Variants in SLC12A9 observed in about 807,000 individuals in gnomAD.
The protein encoded by SLC12A9 is CCC-interacting protein 1.
Under a neutral mutation model 66.0 loss-of-function variants are expected in SLC12A9, and 55 were observed. The observed-to-expected ratio is 0.83, with a 90% CI of 0.67 to 1.04. The LOEUF (loss-of-function observed/expected upper bound fraction) is 1.04, where lower values mean the gene tolerates loss of function less well. SLC12A9 is among the 50% of genes least tolerant of loss of function. SLC12A9 has a pLI of 0.00. For synonymous variants in SLC12A9, 577 were observed against 569.0 expected, an observed-to-expected ratio of 1.01 and a Z score of -0.20; for missense variants, 1,061 against 1,241.9, an observed-to-expected ratio of 0.85 and a Z score of 2.19.
chr7:100,836,518 G>A (rs941188587), intron 1 of SLC12A9, among the ~76,000 whole-genome samples: 2 of 152,080 alleles, frequency 1.3e-5, no homozygotes, highest in African/African-American at 2.4e-5. Context: ...CACCCCATGC[G>A]CCACAGCCCA....
intron 1 of SLC12A9, among the ~76,000 whole-genome samples, chr7:100,840,441 A>T (rs1813760754): frequency 6.6e-6 from 1 of 152,182 alleles, no homozygotes; most frequent in African/African-American, 2.4e-5. Context: ...AGTAACCTGT[A>T]AGCCAGGGAA....
intron 1 of SLC12A9, among the ~76,000 whole-genome samples, chr7:100,830,540 T>G (rs1011331127): frequency 1.3e-5 from 2 of 150,134 alleles, no homozygotes; most frequent in African/African-American, 4.9e-5. Context: ...GAGAAAACAT[T>G]CTATTCCATG....
At chr7:100,848,991 T>G (rs1020093971), upstream of SLC12A9, among the ~76,000 whole-genome samples, 1 of 142,638 alleles carries the variant, frequency 7.0e-6, no homozygotes, top group Admixed American at 7.0e-5. Flanking sequence ...TAGTTTTTTG[T>G]TTTTTTTTTT....
At chr7:100,841,314 T>TAA (rs1030763091) in intron 1 of SLC12A9, among the ~76,000 whole-genome samples, 5 of 146,954 alleles carry the variant, frequency 3.4e-5, no homozygotes, top group African/African-American at 9.9e-5. Context: ...TAAAACTATT[T>TAA]AAAAAAAAAA....
Position 100,866,596 on chromosome 7 carries a change from T to C in SLC12A9, c.2736T>C (p.Thr912=), listed in dbSNP as rs767081292. ...LVHGVTPVTC[T]DL ...ATGGGGTCACTCCAGTCACCTGCAC[T>C]GATCTGTGATGCCCCTGCCTCCAGG... Residue 912 remains threonine (T), a synonymous_variant, in exon 14 of 14, where the codon ACT becomes ACC. Transcript: ENST00000354161. This position sits in a 1 kb window ranked among gnomAD's most constrained non-coding sequence, Gnocchi z 7.3. The C allele has an allele frequency of 6.4e-7, 1 of 1,570,642 alleles. No individual in the cohort carries two copies. The highest frequency in any genetic ancestry group is 1.2e-5 in the South Asian group (1 of 85,586).
At position 100,861,618 on chromosome 7, in the gene SLC12A9, G is replaced by A; in HGVS notation, c.1536+34G>A. ...AGCTGGTGGGGCGGTGGGGAAATGG[G>A]AGGTGGTCAAAGAACCCCCTCTCTC... On this transcript the variant is annotated intron_variant, in intron 11 of 13. Coordinates refer to ENST00000354161, the MANE Select transcript of SLC12A9 (RefSeq NM_020246.4). This position sits in a 1 kb window ranked among gnomAD's most constrained non-coding sequence, Gnocchi z 5.3. 1 of 1,608,694 alleles carries A rather than the reference G, an allele frequency of 6.2e-7. No individual in the cohort carries two copies. The highest frequency in any genetic ancestry group is 8.5e-7 in the Non-Finnish European group (1 of 1,176,676).
rs375275857 is a variant in SLC12A9, at chr7:100,857,123, G to A, written c.704G>A (p.Arg235Gln). Residue 235 changes from arginine (R) to glutamine (Q), a missense_variant, in exon 5 of 14, where the codon CGG becomes CAG. Physicochemically the swap from Arg to Gln is conservative, Grantham distance 43. Transcript: ENST00000354161. ...CCCAATGGCTCCTCCCTGCCGCCCC[G>A]GTTTGGCCACTTCACCGGCTTCAAC... ...PGPNGSSLPP[R>Q]FGHFTGFNSS... 1.9e-4 allele frequency: 303 copies of A among 1,614,156 alleles called. 3 individuals carry two copies. The South Asian group carries it at 2.9e-3, about 16-fold the overall frequency.
At chr7:100,833,932 C>CAAAAAAAAAAAAAAAAAAA (rs60667059) in intron 1 of SLC12A9, among the ~76,000 whole-genome samples, 1 of 63,076 alleles carries the variant, frequency 1.6e-5, no homozygotes, top group Non-Finnish European at 3.1e-5. Context: ...GACTCTGTCT[C>CAAAAAAAAAAAAAAAAAAA]AAAAAAAAAA....
At chr7:100,863,062 CTTTTTTTT>C (rs759001347) in intron 13 of SLC12A9, among the ~76,000 whole-genome samples, 3 of 136,518 alleles carry the variant, frequency 2.2e-5, no homozygotes, top group Admixed American at 1.5e-4. Flanking sequence ...TTTCCTTCTT[CTTTTTTTT>C]TTTTTTTTTT....
upstream of SLC12A9, chr7:100,852,447 G>C (rs1410974323): frequency 1.3e-5 from 2 of 152,388 alleles, no homozygotes; most frequent in East Asian, 3.9e-4. Flanking sequence ...CCTTTAGTGG[G>C]GTGGCTGCTC....
chr7:100,831,576 C>T (rs1215324566), intron 1 of SLC12A9, among the ~76,000 whole-genome samples: 2 of 152,296 alleles, frequency 1.3e-5, no homozygotes, highest in East Asian at 1.9e-4. Flanking sequence ...CTCCTGGGCT[C>T]GAGCAATCTT....
intron 7 of SLC12A9, chr7:100,859,544 TC>T (rs35362320): frequency 1.9e-5 from 7 of 366,578 alleles, no homozygotes; most frequent in South Asian, 1.3e-4. Context: ...AGCAAGAGCC[TC>T]CCCCCAAATA....
At chr7:100,853,942 T>C (rs1814227888) in intron 1 of SLC12A9, among the ~76,000 whole-genome samples, 1 of 152,128 alleles carries the variant, frequency 6.6e-6, no homozygotes, top group Non-Finnish European at 1.5e-5. Context: ...TTGACCAGGG[T>C]GGTCTCGAAC....
intron 1 of SLC12A9, among the ~76,000 whole-genome samples, chr7:100,836,466 C>G (rs190155177): frequency 6.6e-6 from 1 of 152,134 alleles, no homozygotes; most frequent in African/African-American, 2.4e-5. Context: ...TCACCTGAAC[C>G]TCAGAAAACC....
At chr7:100,828,248 A>T (rs1293984690) in intron 1 of SLC12A9, among the ~76,000 whole-genome samples, 1 of 152,144 alleles carries the variant, frequency 6.6e-6, no homozygotes, top group East Asian at 1.9e-4. Context: ...GGTAAAGAAA[A>T]GGTGGGTGTG....
chr7:100,857,423 T>C, intron 5 of SLC12A9: 1 of 559,612 alleles, frequency 1.8e-6, no homozygotes, highest in Non-Finnish European at 3.2e-6. Context: ...AGACATGCAT[T>C]CAGGAATCAG....
chr7:100,836,086 G>T (rs1012693985), intron 1 of SLC12A9, among the ~76,000 whole-genome samples: 1 of 152,152 alleles, frequency 6.6e-6, no homozygotes, highest in Non-Finnish European at 1.5e-5. Context: ...ATGAGGCCAA[G>T]CCCCCCCATG....
chr7:100,838,385 G>A (rs545031825), intron 1 of SLC12A9, among the ~76,000 whole-genome samples: 1 of 152,190 alleles, frequency 6.6e-6, no homozygotes, highest in Non-Finnish European at 1.5e-5. Flanking sequence ...AGTTGTCTGA[G>A]GAACAGCCCA....
In SLC12A9 at chr7:100,854,318, C is replaced by T; in HGVS notation, c.121C>T (p.Leu41=). ...GASARKLSTF[L]GVVVPTVLSM... ...GTCTGCCCGGAAGCTGTCCACCTTC[C>T]TGGGTGTGGTGGTGCCCACTGTCCT... Residue 41 remains leucine, a synonymous_variant, in exon 2 of 14, where the codon CTG becomes TTG. Transcript: ENST00000354161. 1 of 1,608,846 alleles carries T rather than the reference C, an allele frequency of 6.2e-7. No individual in the cohort carries two copies.
Sources: allele counts gnomAD v4.1 joint callset (sites outside exome capture counted in the v4.1 genomes callset), GRCh38; gene constraint gnomAD v4.1.1; non-coding constraint Gnocchi (gnomAD v3.1); transcripts MANE v1.5; gene names NCBI Gene and HGNC (gene_info 2026-07-23, HGNC 2026-07-21).